The following GRIN2A variants were observed in gnomAD, a reference collection of about 807,000 sequenced individuals.
GRIN2A encodes the protein glutamate ionotropic receptor NMDA type subunit 2A, also known as glutamate receptor ionotropic, NMDA 2A.
GRIN2A carries 22 observed loss-of-function variants against 113.4 expected under a neutral mutation model. That is an observed-to-expected ratio of 0.19 (90% CI 0.14 to 0.28). GRIN2A has a LOEUF of 0.28. GRIN2A is among the 10% of genes least tolerant of loss of function. GRIN2A has a pLI of 1.00. For synonymous variants in GRIN2A, 827 were observed against 738.4 expected, an observed-to-expected ratio of 1.12 and a Z score of -1.94; for missense variants, 1,502 against 1,887.0, an observed-to-expected ratio of 0.80 and a Z score of 3.78.
intron 2 of GRIN2A, among the ~76,000 whole-genome samples, chr16:10,085,813 C>A (rs1175354957): frequency 2.0e-5 from 3 of 152,108 alleles, no homozygotes; most frequent in Admixed American, 6.5e-5. Flanking sequence ...CTCTGGGATC[C>A]CCCTGGCCAA....
At chr16:10,024,677 T>C (rs1003822019) in intron 2 of GRIN2A, among the ~76,000 whole-genome samples, 4 of 152,178 alleles carry the variant, frequency 2.6e-5, no homozygotes, top group African/African-American at 7.2e-5. Flanking sequence ...ATTCAAGCCA[T>C]GGATTTAGTG....
intron 10 of GRIN2A, among the ~76,000 whole-genome samples, chr16:9,817,312 G>T (rs1342355335): frequency 6.6e-6 from 1 of 152,134 alleles, no homozygotes; most frequent in Admixed American, 6.5e-5. Context: ...GGCGTGCTGC[G>T]GGGAATGATG....
chr16:9,975,202 G>C (rs1270651995), intron 2 of GRIN2A, among the ~76,000 whole-genome samples: 1 of 152,042 alleles, frequency 6.6e-6, no homozygotes, highest in African/African-American at 2.4e-5. Flanking sequence ...TCCATAAAAA[G>C]GCAGATATAA....
At chr16:9,925,685 G>A (rs919555490) in intron 3 of GRIN2A, among the ~76,000 whole-genome samples, 1 of 151,966 alleles carries the variant, frequency 6.6e-6, no homozygotes, top group African/African-American at 2.4e-5. Context: ...CAATATTCAG[G>A]GTCTTAAAAA....
At chr16:10,065,754 AT>A (rs2047636797) in intron 2 of GRIN2A, among the ~76,000 whole-genome samples, 1 of 152,164 alleles carries the variant, frequency 6.6e-6, no homozygotes, top group African/African-American at 2.4e-5. Flanking sequence ...GATTGGATAC[AT>A]TATTTACTCC....
At chr16:10,176,563 G>A (rs1311122616) in intron 2 of GRIN2A, among the ~76,000 whole-genome samples, 1 of 152,070 alleles carries the variant, frequency 6.6e-6, no homozygotes. Flanking sequence ...CACGGATGAA[G>A]CTGGAAACCA....
intron 3 of GRIN2A, among the ~76,000 whole-genome samples, chr16:9,895,137 A>G (rs575981673): frequency 5.9e-5 from 9 of 152,360 alleles, no homozygotes; most frequent in Admixed American, 1.3e-4. Flanking sequence ...CAAAATAACT[A>G]TAACGAAGAA....
At chr16:9,888,847 G>A (rs1006123500) in intron 4 of GRIN2A, among the ~76,000 whole-genome samples, 2 of 151,692 alleles carry the variant, frequency 1.3e-5, no homozygotes, top group East Asian at 1.9e-4. Context: ...TGCTTTTTCC[G>A]CATCTATTGA....
At chr16:10,084,327 T>C (rs981204830) in intron 2 of GRIN2A, among the ~76,000 whole-genome samples, 15 of 152,156 alleles carry the variant, frequency 9.9e-5, no homozygotes, top group Admixed American at 9.8e-4. Flanking sequence ...GGGGCTGAGC[T>C]CACAGCCTCA....
intron 4 of GRIN2A, among the ~76,000 whole-genome samples, chr16:9,884,654 C>G (rs1228391558): frequency 6.6e-6 from 1 of 151,726 alleles, no homozygotes; most frequent in East Asian, 1.9e-4. Flanking sequence ...AGTAGTTCAG[C>G]CTAGAGCAAT....
intron 3 of GRIN2A, among the ~76,000 whole-genome samples, chr16:9,896,272 C>T (rs2141498501): frequency 6.6e-6 from 1 of 152,276 alleles, no homozygotes; most frequent in East Asian, 1.9e-4. Flanking sequence ...CTGGTTTGAA[C>T]TCCTGACATC....
intron 2 of GRIN2A, among the ~76,000 whole-genome samples, chr16:9,986,493 G>A (rs765135432): frequency 9.9e-5 from 15 of 152,150 alleles, no homozygotes; most frequent in Non-Finnish European, 2.1e-4. Flanking sequence ...GGCCGAGTGC[G>A]GTGGCTCACA....
intron 2 of GRIN2A, among the ~76,000 whole-genome samples, chr16:10,040,039 ACATCC>A (rs2047127588): frequency 1.1e-3 from 1 of 944 alleles, no homozygotes; most frequent in Admixed American, 0.015. Flanking sequence ...TATACTACAC[ACATCC>A]ACACACCACC....
In GRIN2A at chr16:9,974,888, T is replaced by C. The variant is rs371189303; in HGVS notation, c.415-36337A>G. 7.7e-4 allele frequency among the ~76,000 whole-genome samples: 118 copies of C among 152,270 alleles called. 1 individual carries two copies. The highest frequency in any genetic ancestry group is 2.6e-3 in the African/African-American group (109 of 41,552). ...CTTCCAGTACTATGCTGAATAGAAGTGGTGAGATTGAACATCTTTGTCTTG... is the reference window on the plus strand; with the variant it reads ...CTTCCAGTACTATGCTGAATAGAAGCGGTGAGATTGAACATCTTTGTCTTG... On this transcript the variant is annotated intron_variant, in intron 2 of 12. Transcript: ENST00000330684.
chr16:9,956,395 T>G (rs996921107), intron 2 of GRIN2A, among the ~76,000 whole-genome samples: 2 of 152,170 alleles, frequency 1.3e-5, no homozygotes, highest in East Asian at 3.9e-4. Context: ...CTCAGGAAAC[T>G]CACTTCATTT....
At chr16:10,056,510 G>T (rs995752860) in intron 2 of GRIN2A, among the ~76,000 whole-genome samples, 1 of 152,098 alleles carries the variant, frequency 6.6e-6, no homozygotes, top group Non-Finnish European at 1.5e-5. Context: ...GGGTTGAGCA[G>T]CATCCTTCAA....
intron 2 of GRIN2A, among the ~76,000 whole-genome samples, chr16:10,019,830 T>C (rs2046682719): frequency 6.6e-6 from 1 of 152,194 alleles, no homozygotes; most frequent in Non-Finnish European, 1.5e-5. Flanking sequence ...AACTCTCCAT[T>C]ATAAGGTGAA....
intron 2 of GRIN2A, among the ~76,000 whole-genome samples, chr16:10,044,048 C>G (rs9936728): frequency 0.34 from 42,502 of 123,840 alleles, 8,085 homozygotes; most frequent in East Asian, 0.67. Context: ...GAGAGAGAGA[C>G]AGAGACAGAG....
chr16:9,927,569 C>G (rs1162469453), intron 3 of GRIN2A, among the ~76,000 whole-genome samples: 2 of 152,220 alleles, frequency 1.3e-5, no homozygotes, highest in East Asian at 3.8e-4. Flanking sequence ...CTAATTCAAT[C>G]ACATAACTTT....
Sources: allele counts gnomAD v4.1 joint callset (sites outside exome capture counted in the v4.1 genomes callset), GRCh38; gene constraint gnomAD v4.1.1; transcripts MANE v1.5; gene names NCBI Gene and HGNC (gene_info 2026-07-23, HGNC 2026-07-21).